Variants in PPM1L observed in about 807,000 individuals in gnomAD.
PPM1L encodes the protein protein phosphatase 1L.
PPM1L carries 13 observed loss-of-function variants against 31.4 expected under a neutral mutation model. The observed-to-expected ratio is 0.41, with a 90% CI of 0.27 to 0.66. The LOEUF (loss-of-function observed/expected upper bound fraction) is 0.66. PPM1L is among the 30% of genes least tolerant of loss of function. The pLI, the probability that PPM1L is intolerant of heterozygous loss-of-function variation, is 0.29. For missense variants in PPM1L, 326 were observed against 453.7 expected, an observed-to-expected ratio of 0.72 and a Z score of 2.56; for synonymous variants, 184 against 175.4, an observed-to-expected ratio of 1.05 and a Z score of -0.39.
intron 1 of PPM1L, among the ~76,000 whole-genome samples, chr3:160,828,209 T>C (rs1284589122): frequency 6.6e-6 from 1 of 152,118 alleles, no homozygotes; most frequent in African/African-American, 2.4e-5. Context: ...AGGATAGTGC[T>C]TAAGCATCTT....
intron 1 of PPM1L, among the ~76,000 whole-genome samples, chr3:160,813,277 G>A (rs1712864271): frequency 6.6e-6 from 1 of 152,042 alleles, no homozygotes; most frequent in African/African-American, 2.4e-5. Flanking sequence ...CTCTAGTTAA[G>A]TTTTAATTTT....
At chr3:160,765,070 C>T (rs945709545) in intron 1 of PPM1L, among the ~76,000 whole-genome samples, 2 of 152,038 alleles carry the variant, frequency 1.3e-5, no homozygotes, top group Non-Finnish European at 2.9e-5. Context: ...TATAATATGC[C>T]AGGCAGTATT....
rs1449066456 is a variant in PPM1L at position 160,765,018 on chromosome 3, A to C, written c.399+8311A>C. 2.0e-5 allele frequency among the ~76,000 whole-genome samples: 3 copies of C among 152,360 alleles called. No individual in the cohort carries two copies. In the East Asian group the frequency reaches 5.8e-4, roughly 29 times the overall value. On this transcript the variant is annotated intron_variant, in intron 1 of 3. Transcript: ENST00000498165. ...TCAAAGGAATAAAGGAGAAGCCACC[A>C]TTATTGATGGTAATAACAATTGCTA... is the stretch of plus-strand genomic sequence containing the variant.
intron 1 of PPM1L, among the ~76,000 whole-genome samples, chr3:160,798,291 T>C (rs1352147394): frequency 2.0e-5 from 3 of 152,238 alleles, no homozygotes; most frequent in East Asian, 1.9e-4. Context: ...ATTTTCATTG[T>C]AGGCAAAACA....
At position 161,052,103 on chromosome 3, in the gene PPM1L, C is replaced by T. The variant is rs751833384; in HGVS notation, c.575-13300C>T. Among the ~76,000 whole-genome samples the T allele has an allele frequency of 9.2e-5, 14 of 152,278 alleles. No individual in the cohort carries two copies. In the East Asian group the frequency reaches 2.3e-3, roughly 25 times the overall value. ...CTGTTCTCACTCAATGGGAGGCCAG[C>T]GGTTCTCAGCAGTTTTCTCTGCTTC... On this transcript the variant is annotated intron_variant, in intron 2 of 3. Coordinates refer to ENST00000498165, the MANE Select transcript of PPM1L (RefSeq NM_139245.4).
At chr3:160,980,784 G>A (rs778990531) in intron 2 of PPM1L, among the ~76,000 whole-genome samples, 13 of 151,098 alleles carry the variant, frequency 8.6e-5, no homozygotes, top group Non-Finnish European at 1.9e-4. Context: ...AAAGGAGAGG[G>A]AGGGAGGGAA....
chr3:160,794,979 A>C (rs1199752018), intron 1 of PPM1L, among the ~76,000 whole-genome samples: 1 of 152,106 alleles, frequency 6.6e-6, no homozygotes, highest in Non-Finnish European at 1.5e-5. Context: ...GGAGAAGATA[A>C]ACCTAGTATG....
chr3:161,005,263 G>A (rs180832118), intron 2 of PPM1L, among the ~76,000 whole-genome samples: 2 of 152,094 alleles, frequency 1.3e-5, no homozygotes, highest in Non-Finnish European at 2.9e-5. Flanking sequence ...TTGCACTGTG[G>A]ATCTTTCTAA....
chr3:160,984,079 GAGCAGAGAACT>G (rs1716889815), intron 2 of PPM1L, among the ~76,000 whole-genome samples: 5 of 152,182 alleles, frequency 3.3e-5, no homozygotes, highest in Admixed American at 2.6e-4. Context: ...CAGAGTTCAA[GAGCAGAGAACT>G]GGTCTGACTA....
chr3:160,870,629 A>G (rs1350542484), intron 1 of PPM1L: 1 of 152,176 alleles, frequency 6.6e-6, no homozygotes, highest in Non-Finnish European at 1.5e-5. Context: ...CTTCTCGGTC[A>G]TTTCTGTGTT....
intron 1 of PPM1L, among the ~76,000 whole-genome samples, chr3:160,841,670 C>G (rs966316841): frequency 1.3e-5 from 2 of 152,132 alleles, no homozygotes; most frequent in Non-Finnish European, 2.9e-5. Flanking sequence ...AGCAGAGAAA[C>G]CTACTTGCCG....
intron 2 of PPM1L, among the ~76,000 whole-genome samples, chr3:161,022,807 G>A (rs1718273679): frequency 6.6e-6 from 1 of 151,854 alleles, no homozygotes; most frequent in Non-Finnish European, 1.5e-5. Context: ...GGGACTACAG[G>A]CACCTGCCAC....
chr3:161,005,662 A>G (rs147231326), intron 2 of PPM1L, among the ~76,000 whole-genome samples: 1,597 of 152,316 alleles, frequency 0.01, 29 homozygotes, highest in African/African-American at 0.037. Flanking sequence ...ACAGTGGTAT[A>G]TACTTTATGG....
intron 2 of PPM1L, among the ~76,000 whole-genome samples, chr3:161,039,691 T>A (rs1427238431): frequency 1.3e-5 from 2 of 151,926 alleles, no homozygotes; most frequent in Non-Finnish European, 2.9e-5. Flanking sequence ...CCCGGCTAAT[T>A]TTTGTATTTT....
intron 2 of PPM1L, among the ~76,000 whole-genome samples, chr3:160,985,752 T>A (rs1408032859): frequency 1.3e-5 from 2 of 151,480 alleles, no homozygotes; most frequent in Non-Finnish European, 2.9e-5. Flanking sequence ...GAATTGATAA[T>A]GCTGTGCAAA....
At chr3:161,029,887 A>G (rs1718510798) in intron 2 of PPM1L, among the ~76,000 whole-genome samples, 1 of 152,146 alleles carries the variant, frequency 6.6e-6, no homozygotes, top group Non-Finnish European at 1.5e-5. Flanking sequence ...TGACTTCATT[A>G]TATTCCTGAT....
chr3:160,943,408 A>G (rs904196998), intron 1 of PPM1L, among the ~76,000 whole-genome samples: 11 of 152,346 alleles, frequency 7.2e-5, no homozygotes, highest in African/African-American at 2.6e-4. Flanking sequence ...TGGGACATTC[A>G]CTTACGTGGA....
At chr3:160,848,935 A>AT (rs143003217) in intron 1 of PPM1L, among the ~76,000 whole-genome samples, 2,084 of 151,952 alleles carry the variant, frequency 0.014, 33 homozygotes, top group African/African-American at 0.047. Flanking sequence ...AAAACCTCTC[A>AT]TTTTTTTCCC....
At chr3:160,877,098 T>C (rs913084507) in intron 1 of PPM1L, among the ~76,000 whole-genome samples, 1 of 152,204 alleles carries the variant, frequency 6.6e-6, no homozygotes, top group African/African-American at 2.4e-5. Flanking sequence ...TTTGCTTTGG[T>C]GTTTCATTGC....
Sources: gnomAD v4.1 joint callset for allele counts (sites outside exome capture counted in the v4.1 genomes callset) on GRCh38, gnomAD v4.1.1 for gene constraint, MANE v1.5 for transcripts, NCBI Gene and HGNC (gene_info 2026-07-23, HGNC 2026-07-21) for gene names.